The following ARMH4 variants were observed in gnomAD, a reference collection of about 807,000 sequenced individuals.
ARMH4 encodes armadillo like helical domain containing 4, also known as armadillo-like helical domain-containing protein 4.
ARMH4 carries 49 observed loss-of-function variants against 61.9 expected under a neutral mutation model. The ratio of observed to expected loss-of-function variants is 0.79; its 90% CI spans 0.63 to 1.00. The LOEUF (loss-of-function observed/expected upper bound fraction) is 1.00. Among genes scored for constraint, ARMH4 ranks in the 50% least tolerant of loss-of-function variants. The probability of loss-of-function intolerance (pLI) is 0.00; values close to 1 mark genes in which losing one functional copy is unlikely to be tolerated. For missense variants in ARMH4, 934 were observed against 930.0 expected (o/e 1.00, Z -0.06); for synonymous variants, 368 against 341.5 (o/e 1.08, Z -0.85).
rs539272425 is a variant in ARMH4, at chr14:58,067,900, A to C, written c.2089+28824T>G. 5.3e-5 allele frequency among the ~76,000 whole-genome samples: 8 copies of C among 152,332 alleles called. No individual in the cohort carries two copies. The South Asian group carries it at 1.7e-3, about 32-fold the overall frequency. On this transcript the variant is annotated intron_variant, in intron 5 of 7. Transcript: ENST00000267485. The stretch of plus-strand genomic sequence containing the variant: ...CCAAGAGAAGTTGAAAGTTCATGTA[A>C]GGAAAAGAAGAGAAAGAACAAGTGA...
At chr14:58,048,539 G>A (rs977195680) in intron 5 of ARMH4, among the ~76,000 whole-genome samples, 5 of 152,208 alleles carry the variant, frequency 3.3e-5, no homozygotes, top group African/African-American at 1.2e-4. Context: ...AAATTGCTGA[G>A]CGTTCACCTT....
At chr14:58,064,490 T>C (rs1884639791) in intron 5 of ARMH4, among the ~76,000 whole-genome samples, 1 of 152,164 alleles carries the variant, frequency 6.6e-6, no homozygotes, top group Non-Finnish European at 1.5e-5. Context: ...AAACGGATGT[T>C]TTTCTATTCC....
intron 5 of ARMH4, among the ~76,000 whole-genome samples, chr14:58,024,205 T>C (rs1219445189): frequency 6.6e-6 from 1 of 152,236 alleles, no homozygotes; most frequent in Non-Finnish European, 1.5e-5. Flanking sequence ...CAATATAAGA[T>C]TGTTTCATCT....
intron 7 of ARMH4, 108 bp downstream of exon 7, chr14:58,004,940 C>A: frequency 6.4e-7 from 1 of 1,551,276 alleles, no homozygotes; most frequent in Admixed American, 1.7e-5. Flanking sequence ...CCACTGGGCA[C>A]GTCAATACCA....
At chr14:58,081,898 G>A (rs1471924675) in intron 5 of ARMH4, among the ~76,000 whole-genome samples, 1 of 151,354 alleles carries the variant, frequency 6.6e-6, no homozygotes, top group Non-Finnish European at 1.5e-5. Flanking sequence ...ATCCCATAAT[G>A]ATCGTACATG....
intron 5 of ARMH4, among the ~76,000 whole-genome samples, chr14:58,092,464 A>G (rs1402916033): frequency 1.3e-5 from 2 of 152,210 alleles, no homozygotes; most frequent in Non-Finnish European, 2.9e-5. Flanking sequence ...TCCATTCCCT[A>G]TGGCTGCTAT....
At chr14:58,149,367 T>C (rs907701414) in intron 1 of ARMH4, among the ~76,000 whole-genome samples, 35 of 152,286 alleles carry the variant, frequency 2.3e-4, no homozygotes, top group African/African-American at 8.2e-4. Context: ...TTCAGCAGCA[T>C]GTTCCATCAC....
At chr14:58,045,394 T>A (rs993779540) in intron 5 of ARMH4, among the ~76,000 whole-genome samples, 7 of 152,102 alleles carry the variant, frequency 4.6e-5, no homozygotes, top group Non-Finnish European at 1.0e-4. Context: ...TTCTCACTCA[T>A]AGGTGGGAAT....
intron 5 of ARMH4, among the ~76,000 whole-genome samples, chr14:58,082,820 T>A (rs1566571907): frequency 6.6e-6 from 1 of 152,200 alleles, no homozygotes; most frequent in Non-Finnish European, 1.5e-5. Flanking sequence ...CTGAAAATGC[T>A]AAGTGTTCAC....
rs536890958 is a variant in ARMH4 at position 58,128,967 on chromosome 14, T to G, written c.1831+2545A>C. Among the ~76,000 whole-genome samples the G allele has an allele frequency of 3.2e-4, 49 of 152,260 alleles. No individual in the cohort carries two copies. In the South Asian group the frequency reaches 7.3e-3, roughly 23 times the overall value. On this transcript the variant is annotated intron_variant, in intron 4 of 7. Coordinates refer to ENST00000267485, the MANE Select transcript of ARMH4 (RefSeq NM_001001872.4). The stretch of plus-strand genomic sequence containing the variant: ...TTGAGCACAGAGACACAGACGGCCA[T>G]GTGAATAGATTGGAGTCATGCTGCC...
At chr14:58,139,907 G>T (rs913855641) in intron 1 of ARMH4, among the ~76,000 whole-genome samples, 5 of 152,170 alleles carry the variant, frequency 3.3e-5, no homozygotes, top group African/African-American at 1.2e-4. Flanking sequence ...GTATTAGGAA[G>T]TAAGGCCTTT....
intron 5 of ARMH4, among the ~76,000 whole-genome samples, chr14:58,090,958 G>A (rs939431384): frequency 6.6e-6 from 1 of 151,786 alleles, no homozygotes; most frequent in African/African-American, 2.4e-5. Flanking sequence ...GCTCATGCCT[G>A]TAATCCCAGC....
At chr14:58,117,015 A>C (rs2141296751) in intron 4 of ARMH4, among the ~76,000 whole-genome samples, 1 of 152,286 alleles carries the variant, frequency 6.6e-6, no homozygotes, top group South Asian at 2.1e-4. Flanking sequence ...ACAGCAGCAC[A>C]ACCACAGCTC....
intron 5 of ARMH4, among the ~76,000 whole-genome samples, chr14:58,041,426 C>A (rs1883699171): frequency 6.6e-6 from 1 of 152,162 alleles, no homozygotes; most frequent in Non-Finnish European, 1.5e-5. Context: ...GCCTGCCCTA[C>A]AAGAGCTCCT....
rs776325505 is a variant in ARMH4 at position 58,096,807 on chromosome 14, T to G, written c.2006A>C (p.Glu669Ala). 6.2e-7 allele frequency: 1 copy of G among 1,614,112 alleles called. No homozygotes were observed. The highest frequency in any genetic ancestry group is 8.5e-7 in the Non-Finnish European group (1 of 1,180,018). The part of the protein sequence containing the change: ...PGITSQEPGL[E>A]EGNMDLLEGA... ...CTCCAACAGGTCCATGTTTCCCTCC[T>G]CTAAGCCTGGTTCCTGGGATGTGAT... Residue 669 changes from glutamate to alanine, a missense_variant, in exon 5 of 8, where the codon GAG becomes GCG. Glu to Ala is a moderately radical substitution (Grantham distance 107). Transcript: ENST00000267485.
chr14:58,113,737 A>G (rs2141291253), intron 4 of ARMH4, among the ~76,000 whole-genome samples: 1 of 152,194 alleles, frequency 6.6e-6, no homozygotes, highest in African/African-American at 2.4e-5. Context: ...AATGTCTTCA[A>G]ATTGATCTTC....
At chr14:58,061,248 C>T (rs999368843) in intron 5 of ARMH4, among the ~76,000 whole-genome samples, 2 of 152,176 alleles carry the variant, frequency 1.3e-5, no homozygotes, top group African/African-American at 4.8e-5. Context: ...AAGTCTAGGA[C>T]GAGCGACCTT....
At chr14:58,053,644 A>G (rs1430449982) in intron 5 of ARMH4, among the ~76,000 whole-genome samples, 3 of 152,138 alleles carry the variant, frequency 2.0e-5, no homozygotes, top group African/African-American at 7.2e-5. Context: ...GTCATAACTT[A>G]AAGACTGGGG....
intron 1 of ARMH4, among the ~76,000 whole-genome samples, chr14:58,142,566 C>T (rs553032014): frequency 1.6e-4 from 25 of 151,970 alleles, no homozygotes; most frequent in Middle Eastern, 3.4e-3. Context: ...CTGCAACCTC[C>T]GCCTCTTGAG....
Sources: allele counts gnomAD v4.1 joint callset (sites outside exome capture counted in the v4.1 genomes callset), GRCh38; gene constraint gnomAD v4.1.1; transcripts MANE v1.5; gene names NCBI Gene and HGNC (gene_info 2026-07-23, HGNC 2026-07-21).